AUTS2: variants seen among roughly 807,000 people sequenced by gnomAD.
The protein encoded by AUTS2 is activator of transcription and developmental regulator AUTS2, also known as autism susceptibility gene 2 protein.
In AUTS2, 17 loss-of-function variants were observed where a neutral mutation model predicts 112.4. That is an observed-to-expected ratio of 0.15 (90% confidence interval 0.10 to 0.23). The LOEUF is 0.23. AUTS2 is among the 10% of genes least tolerant of loss of function. The pLI, the probability that AUTS2 is intolerant of heterozygous loss-of-function variation, is 1.00. For missense variants in AUTS2, 1,510 were observed against 1,701.6 expected (o/e 0.89, Z 1.98); for synonymous variants, 751 against 702.7 (o/e 1.07, Z -1.09).
chr7:70,641,879 CAT>C (rs1342745528), intron 5 of AUTS2, among the ~76,000 whole-genome samples: 1 of 152,222 alleles, frequency 6.6e-6, no homozygotes, highest in Non-Finnish European at 1.5e-5. Flanking sequence ...GGTGGTTGCA[CAT>C]GTGTTTGTTG....
intron 2 of AUTS2, among the ~76,000 whole-genome samples, chr7:70,052,165 G>C (rs1801784323): frequency 6.6e-6 from 1 of 152,156 alleles, no homozygotes; most frequent in African/African-American, 2.4e-5. Context: ...CACCATCTGA[G>C]TTCTGTTATA....
intron 4 of AUTS2, among the ~76,000 whole-genome samples, chr7:70,403,991 G>T (rs1794429734): frequency 6.6e-6 from 1 of 152,222 alleles, no homozygotes; most frequent in Admixed American, 6.5e-5. Flanking sequence ...AAAGCTTGGT[G>T]ACATGGATAA....
intron 4 of AUTS2, among the ~76,000 whole-genome samples, chr7:70,380,507 T>C (rs1016414702): frequency 1.3e-5 from 2 of 152,210 alleles, no homozygotes; most frequent in Admixed American, 1.3e-4. Context: ...CGTCCGTGGC[T>C]GTGATCTCAG....
At chr7:70,027,901 T>C (rs1278159665) in intron 2 of AUTS2, among the ~76,000 whole-genome samples, 1 of 152,182 alleles carries the variant, frequency 6.6e-6, no homozygotes, top group Non-Finnish European at 1.5e-5. Flanking sequence ...TTTGTTTGTT[T>C]TGAACAGTAA....
At chr7:70,538,539 AAG>A (rs1344834065) in intron 5 of AUTS2, among the ~76,000 whole-genome samples, 2 of 152,122 alleles carry the variant, frequency 1.3e-5, no homozygotes, top group East Asian at 1.9e-4. Flanking sequence ...CAAAAAAAGA[AAG>A]AGAGAGAGAG....
chr7:70,547,626 T>C (rs1800842741), intron 5 of AUTS2, among the ~76,000 whole-genome samples: 1 of 152,230 alleles, frequency 6.6e-6, no homozygotes, highest in Non-Finnish European at 1.5e-5. Flanking sequence ...ATTGTAGCAT[T>C]TATCCATAAT....
intron 4 of AUTS2, among the ~76,000 whole-genome samples, chr7:70,404,919 C>T (rs1007498854): frequency 2.6e-5 from 4 of 152,054 alleles, no homozygotes; most frequent in South Asian, 2.1e-4. Context: ...CGTTAGAAAC[C>T]GGGGCAAAAG....
intron 2 of AUTS2, among the ~76,000 whole-genome samples, chr7:69,967,924 A>G (rs1797697400): frequency 6.6e-6 from 1 of 152,138 alleles, no homozygotes; most frequent in Non-Finnish European, 1.5e-5. Context: ...TGTATTTGTG[A>G]ATGTATTTCC....
At chr7:69,793,696 A>G (rs1279639574) in intron 1 of AUTS2, among the ~76,000 whole-genome samples, 1 of 152,198 alleles carries the variant, frequency 6.6e-6, no homozygotes. Flanking sequence ...CCCTATAACA[A>G]TCAGATCAGA....
intron 2 of AUTS2, among the ~76,000 whole-genome samples, chr7:70,048,242 G>C (rs1167670599): frequency 6.6e-6 from 1 of 152,118 alleles, no homozygotes; most frequent in Non-Finnish European, 1.5e-5. Context: ...GCTGTTTGCT[G>C]TTCTCCTCAC....
intron 6 of AUTS2, among the ~76,000 whole-genome samples, chr7:70,709,351 C>A (rs576433069): frequency 3.3e-5 from 5 of 152,146 alleles, no homozygotes; most frequent in Non-Finnish European, 5.9e-5. Flanking sequence ...TCATGGGTAT[C>A]ATGAGAAACT....
intron 5 of AUTS2, among the ~76,000 whole-genome samples, chr7:70,466,029 A>G (rs1205156111): frequency 6.6e-6 from 1 of 152,116 alleles, no homozygotes; most frequent in Non-Finnish European, 1.5e-5. Context: ...TTGACCAGGA[A>G]CACGGTGGAG....
At chr7:69,646,200 C>T (rs1795014041) in intron 1 of AUTS2, among the ~76,000 whole-genome samples, 1 of 152,026 alleles carries the variant, frequency 6.6e-6, no homozygotes, top group South Asian at 2.1e-4. Flanking sequence ...CCCAATTACC[C>T]AATTATAACA....
intron 2 of AUTS2, among the ~76,000 whole-genome samples, chr7:69,901,749 T>C (rs1794979231): frequency 6.6e-6 from 1 of 152,248 alleles, no homozygotes; most frequent in South Asian, 2.1e-4. Context: ...AAGTGTTATA[T>C]TTCTAGTAAG....
At chr7:69,752,934 A>G (rs1183632001) in intron 1 of AUTS2, among the ~76,000 whole-genome samples, 2 of 152,148 alleles carry the variant, frequency 1.3e-5, no homozygotes, top group East Asian at 3.8e-4. Flanking sequence ...AACTTGTTGT[A>G]ATTTTATGTC....
chr7:70,529,800 C>T (rs1490239256), intron 5 of AUTS2, among the ~76,000 whole-genome samples: 1 of 152,124 alleles, frequency 6.6e-6, no homozygotes, highest in African/African-American at 2.4e-5. Context: ...TCTCAGGGGG[C>T]AGTGATGAAA....
intron 6 of AUTS2, among the ~76,000 whole-genome samples, chr7:70,718,806 T>A (rs764319057): frequency 4.6e-5 from 7 of 152,210 alleles, no homozygotes; most frequent in Non-Finnish European, 8.8e-5. Context: ...ATAAAATACC[T>A]TGCATTGGTA....
intron 3 of AUTS2, among the ~76,000 whole-genome samples, chr7:70,131,724 A>G (rs777364331): frequency 7.2e-5 from 11 of 152,112 alleles, no homozygotes; most frequent in Non-Finnish European, 1.6e-4. Flanking sequence ...ACTTTAGATT[A>G]TAAATATATG....
chr7:69,830,379 AC>A (rs1398736143), intron 1 of AUTS2, among the ~76,000 whole-genome samples: 1 of 152,216 alleles, frequency 6.6e-6, no homozygotes, highest in African/African-American at 2.4e-5. Context: ...TACATTCTGC[AC>A]ATGTATCCTG....
Sources: allele counts gnomAD v4.1 joint callset (sites outside exome capture counted in the v4.1 genomes callset), GRCh38; gene constraint gnomAD v4.1.1; transcripts MANE v1.5; gene names NCBI Gene and HGNC (gene_info 2026-07-23, HGNC 2026-07-21).